Variants in EML1 observed in about 807,000 individuals in gnomAD.
EML1 encodes EMAP like 1.
Under a neutral mutation model 110.4 loss-of-function variants are expected in EML1, and 27 were observed. That is an observed-to-expected ratio of 0.24 (90% CI 0.18 to 0.34). EML1 has a LOEUF of 0.34. Ranked by LOEUF, EML1 falls within the 10% of genes least tolerant of loss-of-function variation. EML1 has a pLI of 1.00. For missense variants in EML1, 741 were observed against 1,030.9 expected (o/e 0.72, Z 3.85); for synonymous variants, 344 against 385.8 (o/e 0.89, Z 1.27).
chr14:99,802,696 A>G (rs1008836244), intron 1 of EML1, among the ~76,000 whole-genome samples: 1 of 151,902 alleles, frequency 6.6e-6, no homozygotes, highest in African/African-American at 2.4e-5. Context: ...GGGTAGGAGG[A>G]CATATGGGAT....
At chr14:99,847,168 T>C (rs150934345) in intron 1 of EML1, among the ~76,000 whole-genome samples, 2 of 152,364 alleles carry the variant, frequency 1.3e-5, no homozygotes, top group Admixed American at 6.5e-5. Context: ...AACAATATCA[T>C]TGTGGTCAGA....
rs781342353 is a variant in EML1, at chr14:99,936,082, G to A, written c.1963G>A (p.Val655Ile). The change falls in exon 18 of 22, where the codon GTT becomes ATT. Residue 655 changes from valine to isoleucine, a missense_variant. Transcript: ENST00000262233. The surrounding 1 kb of genome is among the most constrained non-coding windows in gnomAD (Gnocchi z 5.5). The part of the protein sequence containing the change: ...SHDNCIYIYG[V>I]SDNGRKYTRV... ...TGACAACTGCATCTATATATATGGC[G>A]TTAGTGACAACGGGAGGAAGTACAC... The A allele has an allele frequency of 8.7e-6, 14 of 1,614,026 alleles. No homozygotes were observed. The highest frequency in any genetic ancestry group is 5.0e-5 in the Admixed American group (3 of 60,006).
intron 1 of EML1, among the ~76,000 whole-genome samples, chr14:99,803,674 C>G (rs975077433): frequency 6.6e-6 from 1 of 152,212 alleles, no homozygotes; most frequent in Non-Finnish European, 1.5e-5. Flanking sequence ...AAATTATTTT[C>G]AGCCAAAGTA....
intron 2 of EML1, among the ~76,000 whole-genome samples, chr14:99,857,855 A>G (rs1172824718): frequency 1.3e-5 from 2 of 152,206 alleles, no homozygotes; most frequent in African/African-American, 2.4e-5. Flanking sequence ...TTATGAAATC[A>G]GTTCATTAAT....
intron 3 of EML1, among the ~76,000 whole-genome samples, chr14:99,865,870 A>G (rs913145360): frequency 1.3e-5 from 2 of 152,248 alleles, no homozygotes; most frequent in Admixed American, 6.5e-5. Context: ...GGCTAAAACC[A>G]CAGTGTGGTG....
intron 15 of EML1, chr14:99,914,968 C>G: frequency 2.1e-6 from 1 of 465,296 alleles, no homozygotes; most frequent in Non-Finnish European, 3.8e-6. Context: ...TTTCTGAGTA[C>G]AGTCTCTCAA....
chr14:99,861,774 G>A (rs1223469691), intron 2 of EML1, among the ~76,000 whole-genome samples: 1 of 152,126 alleles, frequency 6.6e-6, no homozygotes, highest in African/African-American at 2.4e-5. Context: ...GAGCCACCAT[G>A]CCTGGCCTCT....
intron 1 of EML1, among the ~76,000 whole-genome samples, chr14:99,780,935 A>G (rs950901466): frequency 2.0e-5 from 3 of 152,288 alleles, no homozygotes; most frequent in Admixed American, 2.0e-4. Context: ...CATAGTTCTT[A>G]GAACGTATCC....
At chr14:99,804,003 G>A (rs1021608231) in intron 1 of EML1, among the ~76,000 whole-genome samples, 4 of 152,196 alleles carry the variant, frequency 2.6e-5, no homozygotes, top group Admixed American at 6.5e-5. Context: ...CCAGGGGACT[G>A]TATGGAGCTA....
chr14:99,883,627 A>G (rs2059425547), intron 4 of EML1: 1 of 152,146 alleles, frequency 6.6e-6, no homozygotes, highest in African/African-American at 2.4e-5. Flanking sequence ...AACAGTCATT[A>G]CATTTCCACG....
Position 99,898,312 on chromosome 14 carries a change from G to A in EML1, c.897+10G>A, listed in dbSNP as rs201038856. 28 of 1,607,376 alleles carry A rather than the reference G, an allele frequency of 1.7e-5. No individual in the cohort carries two copies. Among genetic ancestry groups the A allele is most frequent in the Middle Eastern group, 1.7e-4 (1 of 6,016 alleles). On this transcript the variant is annotated intron_variant, in intron 8 of 21. Coordinates refer to ENST00000262233, the MANE Select transcript of EML1 (RefSeq NM_004434.3). ...ATCGAAGGATGGAAAAGTGAGTTACGTTACCTTTTCATTGTTTCATAATGA... is the reference window on the plus strand; with the variant it reads ...ATCGAAGGATGGAAAAGTGAGTTACATTACCTTTTCATTGTTTCATAATGA...
intron 1 of EML1, among the ~76,000 whole-genome samples, chr14:99,819,089 G>A (rs1205729931): frequency 6.6e-6 from 1 of 152,082 alleles, no homozygotes; most frequent in Non-Finnish European, 1.5e-5. Context: ...GGCTGGGACT[G>A]TAGGCATGCA....
At chr14:99,892,958 G>A (rs564400533) in intron 5 of EML1, among the ~76,000 whole-genome samples, 13 of 150,888 alleles carry the variant, frequency 8.6e-5, no homozygotes, top group African/African-American at 2.2e-4. Flanking sequence ...TTTCAAGAAT[G>A]TCAATCGTTT....
At chr14:99,815,669 C>T (rs2139728384) in intron 1 of EML1, among the ~76,000 whole-genome samples, 1 of 152,244 alleles carries the variant, frequency 6.6e-6, no homozygotes, top group South Asian at 2.1e-4. Context: ...TCTAGAAAAA[C>T]AACTTTGATT....
chr14:99,914,428 C>T, intron 14 of EML1, 124 bp downstream of exon 14: 1 of 1,528,828 alleles, frequency 6.5e-7, no homozygotes, highest in African/African-American at 1.4e-5. Flanking sequence ...GTGTCTGTGG[C>T]TGCTGAAAGA....
intron 1 of EML1, among the ~76,000 whole-genome samples, chr14:99,803,037 T>A (rs530261608): frequency 6.6e-6 from 1 of 152,120 alleles, no homozygotes; most frequent in Admixed American, 6.5e-5. Context: ...ATCATGATTA[T>A]CCCAGAGGCC....
intron 2 of EML1, among the ~76,000 whole-genome samples, chr14:99,862,677 G>C (rs1225244631): frequency 6.6e-6 from 1 of 152,104 alleles, no homozygotes; most frequent in African/African-American, 2.4e-5. Flanking sequence ...TTTTGTGTCC[G>C]TTTGACTTGC....
intron 17 of EML1, among the ~76,000 whole-genome samples, chr14:99,932,182 C>A (rs761506720): frequency 6.6e-6 from 1 of 152,176 alleles, no homozygotes; most frequent in African/African-American, 2.4e-5. Flanking sequence ...CAGCCGGTTC[C>A]CCTCTGCAGG....
intron 1 of EML1, among the ~76,000 whole-genome samples, chr14:99,821,854 G>A (rs1252743325): frequency 6.6e-6 from 1 of 152,190 alleles, no homozygotes; most frequent in Non-Finnish European, 1.5e-5. Flanking sequence ...GTTTTATAAT[G>A]TACTTCTGTG....
Sources: gnomAD v4.1 joint callset for allele counts (sites outside exome capture counted in the v4.1 genomes callset) on GRCh38, gnomAD v4.1.1 for gene constraint, Gnocchi (gnomAD v3.1) non-coding constraint, MANE v1.5 for transcripts, NCBI Gene and HGNC (gene_info 2026-07-23, HGNC 2026-07-21) for gene names.